RYR1: variants seen among roughly 807,000 people sequenced by gnomAD.
RYR1 encodes the protein central core disease of muscle.
In RYR1, 342 loss-of-function variants were observed where a neutral mutation model predicts 583.5. The observed-to-expected ratio is 0.59, with a 90% CI of 0.54 to 0.64. The LOEUF (loss-of-function observed/expected upper bound fraction) is 0.64, where lower values mean the gene tolerates loss of function less well. Ranked by LOEUF, RYR1 falls within the 30% of genes least tolerant of loss-of-function variation. The pLI is 0.00. For missense variants in RYR1, 6,032 were observed against 6,917.2 expected, an observed-to-expected ratio of 0.87 and a Z score of 4.54; for synonymous variants, 2,791 against 2,822.5, an observed-to-expected ratio of 0.99 and a Z score of 0.35.
intron 37 of RYR1, among the ~76,000 whole-genome samples, chr19:38,492,237 C>T (rs1339015962): frequency 6.6e-6 from 1 of 151,828 alleles, no homozygotes. Flanking sequence ...TGGTGGCATA[C>T]ACCTGTAGTC....
chr19:38,475,772 A>G (rs960371632), intron 29 of RYR1, among the ~76,000 whole-genome samples: 15 of 152,206 alleles, frequency 9.9e-5, no homozygotes, highest in African/African-American at 3.6e-4. Flanking sequence ...TATAAACACA[A>G]TACCCTCAAT....
chr19:38,510,621 C>T (rs2145655427), intron 59 of RYR1, 39 bp from the exon 60 acceptor site: 1 of 1,614,156 alleles, frequency 6.2e-7, no homozygotes, highest in Non-Finnish European at 8.5e-7. Flanking sequence ...CTCTCCCCAC[C>T]CCTCATTGGA....
Position 38,580,030 on chromosome 19 carries a change from TACA to T in RYR1, c.14419_14421del (p.Asn4807del), listed in dbSNP as rs2145895047. 1 of 1,614,162 alleles carries T rather than the reference TACA, an allele frequency of 6.2e-7. No individual in the cohort carries two copies. The highest frequency in any genetic ancestry group is 8.5e-7 in the Non-Finnish European group (1 of 1,180,042). On this transcript the variant is annotated inframe_deletion, in exon 100 of 106. Coordinates refer to ENST00000359596, the MANE Select transcript of RYR1 (RefSeq NM_000540.3). ...TATGGTGATGTCCCTCTTGGGACACTACAACAACTTCTTCTTTGCTGCCCATCT... is the reference window on the plus strand; with the variant it reads ...TATGGTGATGTCCCTCTTGGGACACTACAACTTCTTCTTTGCTGCCCATCT...
rs1972267921 is a variant in RYR1, at chr19:38,543,054, C to T, written c.11690-293C>T. Reference sequence around the variant, plus strand: ...ACGGGGTTTCACCATGTTGGTCAGGCTGGTCTCAAACTCCTGACCTCAGGT... The same window carrying T: ...ACGGGGTTTCACCATGTTGGTCAGGTTGGTCTCAAACTCCTGACCTCAGGT... On this transcript the variant is annotated intron_variant, in intron 84 of 105. Transcript: ENST00000359596. The surrounding 1 kb of genome is among the most constrained non-coding windows in gnomAD (Gnocchi z 4.4). Among the ~76,000 whole-genome samples the T allele has an allele frequency of 6.6e-6, 1 of 152,048 alleles. No individual in the cohort carries two copies. The highest frequency in any genetic ancestry group is 2.4e-5 in the African/African-American group (1 of 41,398).
At chr19:38,459,380 G>T (rs746625556) in intron 19 of RYR1, 42 bp downstream of exon 19, 27 of 1,589,336 alleles carry the variant, frequency 1.7e-5, no homozygotes, top group Non-Finnish European at 2.3e-5. Context: ...CTCAGACCTA[G>T]GACTGACCTG....
chr19:38,522,620 A>AAG (rs34878100), intron 67 of RYR1, among the ~76,000 whole-genome samples: 2,107 of 148,826 alleles, frequency 0.014, 20 homozygotes, highest in Middle Eastern at 0.024. Context: ...GAAAGAAAGA[A>AAG]AGAGAGAGAG....
chr19:38,449,316 C>T (rs1966956557), intron 11 of RYR1, among the ~76,000 whole-genome samples: 1 of 151,786 alleles, frequency 6.6e-6, no homozygotes, highest in Non-Finnish European at 1.5e-5. Flanking sequence ...AAAAATTAGC[C>T]AGGCGTGGTG....
At chr19:38,552,892 C>T (rs1972725611) in intron 89 of RYR1, among the ~76,000 whole-genome samples, 1 of 152,138 alleles carries the variant, frequency 6.6e-6, no homozygotes, top group East Asian at 1.9e-4. Context: ...AATGATCTCT[C>T]CTGACTGGGG....
In RYR1 at chr19:38,495,006, C is replaced by T. The variant is rs150400373; in HGVS notation, c.6548+381C>T. On this transcript the variant is annotated intron_variant, in intron 39 of 105. Transcript: ENST00000359596. ...TAGCTGGGATTACAGGCACGCACCA[C>T]CATACCAGGCTAATTTTTTATATTT... is the stretch of plus-strand genomic sequence containing the variant. 2.2e-3 allele frequency among the ~76,000 whole-genome samples: 334 copies of T among 152,162 alleles called. 3 individuals carry two copies. Among genetic ancestry groups the T allele is most frequent in the African/African-American group, 7.7e-3 (320 of 41,500 alleles).
rs371684061 is a variant in RYR1 at position 38,530,895 on chromosome 19, C to T, written c.11142-1595C>T. On this transcript the variant is annotated intron_variant, in intron 76 of 105. Transcript: ENST00000359596. ...TCGGCTCGCTGCAATCTCCACCTCC[C>T]GGGTTCAAGCGATTCTCCTGCCTCA... Among the ~76,000 whole-genome samples, 72 of 152,068 alleles carry T rather than the reference C, an allele frequency of 4.7e-4. No individual in the cohort carries two copies. The East Asian group carries it at 8.7e-3, about 18-fold the overall frequency.
At chr19:38,532,457 G>A (rs377633965) in intron 76 of RYR1, 33 bp from the exon 77 acceptor site, 15 of 1,612,626 alleles carry the variant, frequency 9.3e-6, no homozygotes, top group Middle Eastern at 1.6e-4. Context: ...CCTCTCCACC[G>A]GGTCCTGACC....
intron 64 of RYR1, 62 bp from the exon 65 acceptor site, chr19:38,516,025 G>A (rs755070555): frequency 2.4e-5 from 37 of 1,525,952 alleles, no homozygotes; most frequent in Non-Finnish European, 3.2e-5. Context: ...TGGAGATGGG[G>A]CTGGGACCCA....
chr19:38,484,451 C>A lies in RYR1; in HGVS notation c.4934+935C>A, dbSNP rs538758947. Among the ~76,000 whole-genome samples the A allele has an allele frequency of 5.4e-3, 756 of 140,012 alleles. 8 individuals carry two copies. The highest frequency in any genetic ancestry group is 0.017 in the African/African-American group (661 of 39,092). The allele number at this position is 140,012 out of a possible 152,430, so 91.9% of individuals were successfully genotyped here. On this transcript the variant is annotated intron_variant, in intron 33 of 105. Transcript: ENST00000359596. ...CCCTCCCTCCCTCCCTTCCTTCCTTCCTCTCTCCCTCCCTCACTTCCTTCC... is the reference window on the plus strand; with the variant it reads ...CCCTCCCTCCCTCCCTTCCTTCCTTACTCTCTCCCTCCCTCACTTCCTTCC...
intron 83 of RYR1, among the ~76,000 whole-genome samples, chr19:38,537,557 T>C (rs944914761): frequency 6.6e-6 from 1 of 152,146 alleles, no homozygotes; most frequent in Admixed American, 6.5e-5. Flanking sequence ...TGCCTGAATG[T>C]CTGCTAGGTC....
chr19:38,543,464 C>T lies in RYR1; in HGVS notation c.11778+29C>T. 1.2e-6 allele frequency: 2 copies of T among 1,614,226 alleles called. No individual in the cohort carries two copies. The highest frequency in any genetic ancestry group is 8.5e-7 in the Non-Finnish European group (1 of 1,180,034). On this transcript the variant is annotated intron_variant, in intron 85 of 105. Transcript: ENST00000359596. This position sits in a 1 kb window ranked among gnomAD's most constrained non-coding sequence, Gnocchi z 4.4. ...AGGACGTGAGACGGTTCAGGTGTGA[C>T]TTGGGTCGGGGGCTGCAGGGCCATG...
chr19:38,529,816 C>G (rs1456780638), intron 76 of RYR1, among the ~76,000 whole-genome samples: 3 of 152,102 alleles, frequency 2.0e-5, no homozygotes, highest in African/African-American at 7.2e-5. Flanking sequence ...CTGACAGTAG[C>G]AGGCAGCCAT....
intron 71 of RYR1, 157 bp from the exon 72 acceptor site, chr19:38,526,836 C>T (rs367820452): frequency 3.5e-5 from 25 of 715,944 alleles, no homozygotes; most frequent in Non-Finnish European, 4.9e-5. Flanking sequence ...CTTCTGACCC[C>T]GTCAACCTCT....
intron 1 of RYR1, among the ~76,000 whole-genome samples, chr19:38,434,848 C>T (rs1972355822): frequency 6.6e-6 from 1 of 152,170 alleles, no homozygotes; most frequent in African/African-American, 2.4e-5. Context: ...CCCCGGGGCC[C>T]TGGAGCCACA....
At chr19:38,488,196 T>C (rs1969383976) in intron 34 of RYR1, among the ~76,000 whole-genome samples, 1 of 152,104 alleles carries the variant, frequency 6.6e-6, no homozygotes, top group Non-Finnish European at 1.5e-5. Context: ...AATTTATCTA[T>C]TTATCCACAT....
Sources: allele counts gnomAD v4.1 joint callset (sites outside exome capture counted in the v4.1 genomes callset), GRCh38; gene constraint gnomAD v4.1.1; non-coding constraint Gnocchi (gnomAD v3.1); transcripts MANE v1.5; gene names NCBI Gene and HGNC (gene_info 2026-07-23, HGNC 2026-07-21).